TNFAIP8: variants seen among roughly 807,000 people sequenced by gnomAD.
The protein encoded by TNFAIP8 is tumor necrosis factor alpha-induced protein 8.
In TNFAIP8, 7 loss-of-function variants were observed where a neutral mutation model predicts 13.3. The ratio of observed to expected loss-of-function variants is 0.52; its 90% confidence interval spans 0.30 to 0.99. The LOEUF (loss-of-function observed/expected upper bound fraction) is 0.99. Among genes scored for constraint, TNFAIP8 ranks in the 50% least tolerant of loss-of-function variants. The probability of loss-of-function intolerance (pLI) is 0.07; values close to 1 mark genes in which losing one functional copy is unlikely to be tolerated. For synonymous variants in TNFAIP8, 94 were observed against 87.6 expected (o/e 1.07, Z -0.41); for missense variants, 258 against 236.9 (o/e 1.09, Z -0.58).
At chr5:119,269,182 A>C (rs1193783429) in intron 1 of TNFAIP8, among the ~76,000 whole-genome samples, 1 of 152,098 alleles carries the variant, frequency 6.6e-6, no homozygotes, top group Non-Finnish European at 1.5e-5. Context: ...TTACCTATTC[A>C]GGGCGACCTC....
chr5:119,343,248 T>A (rs1355165151), intron 1 of TNFAIP8, among the ~76,000 whole-genome samples: 2 of 152,204 alleles, frequency 1.3e-5, no homozygotes, highest in African/African-American at 4.8e-5. Context: ...CGGCACTCTG[T>A]TTATAAGGAT....
chr5:119,341,105 T>A (rs527651788), intron 1 of TNFAIP8, among the ~76,000 whole-genome samples: 401 of 138,470 alleles, frequency 2.9e-3, no homozygotes, highest in East Asian at 0.013. Flanking sequence ...TTTTTTTTTT[T>A]AAATCTGATT....
chr5:119,340,391 C>A (rs1220542673), intron 1 of TNFAIP8, among the ~76,000 whole-genome samples: 1 of 152,198 alleles, frequency 6.6e-6, no homozygotes. Context: ...CTGCAGAGGA[C>A]CACTGTGCCC....
intron 1 of TNFAIP8, among the ~76,000 whole-genome samples, chr5:119,291,494 G>T (rs764962416): frequency 2.6e-5 from 4 of 152,216 alleles, no homozygotes; most frequent in Non-Finnish European, 5.9e-5. Context: ...AGGAAATTTG[G>T]AATAATAATT....
intron 1 of TNFAIP8, among the ~76,000 whole-genome samples, chr5:119,281,902 G>T (rs778276527): frequency 2.6e-5 from 4 of 152,140 alleles, no homozygotes; most frequent in Non-Finnish European, 5.9e-5. Flanking sequence ...ATAATTAAGG[G>T]TCACTGTTGT....
intron 1 of TNFAIP8, among the ~76,000 whole-genome samples, chr5:119,289,700 T>C (rs970318214): frequency 6.6e-6 from 1 of 152,156 alleles, no homozygotes; most frequent in African/African-American, 2.4e-5. Context: ...CTTGCCTTGC[T>C]CCAATGCCCA....
chr5:119,320,945 G>A (rs1470424256), intron 1 of TNFAIP8, among the ~76,000 whole-genome samples: 2 of 152,138 alleles, frequency 1.3e-5, no homozygotes, highest in East Asian at 1.9e-4. Flanking sequence ...GGCTGGGCAC[G>A]GTGGCTCATG....
chr5:119,342,562 C>A (rs1344751408), intron 1 of TNFAIP8, among the ~76,000 whole-genome samples: 1 of 152,136 alleles, frequency 6.6e-6, no homozygotes, highest in Non-Finnish European at 1.5e-5. Flanking sequence ...TCAACTTACT[C>A]CCTTCAGGAA....
chr5:119,326,888 G>A (rs1230820710), intron 1 of TNFAIP8, among the ~76,000 whole-genome samples: 1 of 152,158 alleles, frequency 6.6e-6, no homozygotes, highest in African/African-American at 2.4e-5. Flanking sequence ...AAGCTGTTTG[G>A]AAGTAAGAAC....
At chr5:119,361,663 T>A (rs1180931014) in intron 1 of TNFAIP8, among the ~76,000 whole-genome samples, 7 of 152,362 alleles carry the variant, frequency 4.6e-5, no homozygotes, top group Admixed American at 6.5e-5. Context: ...CAGGGTTGAC[T>A]GTCAAGAAGT....
intron 1 of TNFAIP8, chr5:119,391,255 C>A: frequency 1.6e-6 from 1 of 611,278 alleles, no homozygotes. Context: ...CTAGCCTATC[C>A]AAACTAGAAA....
chr5:119,322,290 G>A (rs78891811), intron 1 of TNFAIP8, among the ~76,000 whole-genome samples: 1,760 of 152,296 alleles, frequency 0.012, 26 homozygotes, highest in African/African-American at 0.04. Context: ...GTGCTCACAC[G>A]CAGTAAATGA....
chr5:119,376,195 A>T (rs1752273837), intron 1 of TNFAIP8, among the ~76,000 whole-genome samples: 1 of 151,596 alleles, frequency 6.6e-6, no homozygotes, highest in African/African-American at 2.4e-5. Flanking sequence ...GCTCACTGCA[A>T]CCTCCCCGTC....
intron 1 of TNFAIP8, among the ~76,000 whole-genome samples, chr5:119,303,741 C>T (rs1181336423): frequency 6.6e-6 from 1 of 152,172 alleles, no homozygotes; most frequent in African/African-American, 2.4e-5. Flanking sequence ...CAAGCAGGGC[C>T]ACACAGATTC....
chr5:119,294,702 G>T (rs1048003066), intron 1 of TNFAIP8, among the ~76,000 whole-genome samples: 4 of 152,128 alleles, frequency 2.6e-5, no homozygotes, highest in Admixed American at 6.6e-5. Flanking sequence ...TCCAGCACCT[G>T]TTGTTTCCTG....
At chr5:119,357,257 A>T (rs2112777545) in intron 1 of TNFAIP8, among the ~76,000 whole-genome samples, 1 of 152,342 alleles carries the variant, frequency 6.6e-6, no homozygotes, top group African/African-American at 2.4e-5. Flanking sequence ...GCTGGCATGA[A>T]TGAAAAATGA....
intron 1 of TNFAIP8, among the ~76,000 whole-genome samples, chr5:119,367,329 A>G (rs1751896352): frequency 6.6e-6 from 1 of 152,198 alleles, no homozygotes; most frequent in South Asian, 2.1e-4. Flanking sequence ...TATTTGAGTC[A>G]TTCTATGGTC....
chr5:119,371,128 G>A (rs903178251), intron 1 of TNFAIP8, among the ~76,000 whole-genome samples: 2 of 152,146 alleles, frequency 1.3e-5, no homozygotes, highest in Non-Finnish European at 2.9e-5. Context: ...ATTTTATTCT[G>A]TAGATGTAGT....
intron 1 of TNFAIP8, among the ~76,000 whole-genome samples, chr5:119,373,123 C>T (rs533842981): frequency 2.6e-5 from 4 of 152,294 alleles, no homozygotes; most frequent in African/African-American, 9.6e-5. Flanking sequence ...TCAGTCCCTT[C>T]ATCCACCCCA....
Sources: gnomAD v4.1 joint callset for allele counts (sites outside exome capture counted in the v4.1 genomes callset) on GRCh38, gnomAD v4.1.1 for gene constraint, MANE v1.5 for transcripts, NCBI Gene and HGNC (gene_info 2026-07-23, HGNC 2026-07-21) for gene names.